The following FERMT2 variants were observed in gnomAD, a reference collection of about 807,000 sequenced individuals.
FERMT2 encodes fermitin family homolog 2.
In FERMT2, 15 loss-of-function variants were observed where a neutral mutation model predicts 82.7. The observed-to-expected ratio is 0.18, with a 90% CI of 0.12 to 0.28. FERMT2 has a LOEUF of 0.28. Among genes scored for constraint, FERMT2 ranks in the 10% least tolerant of loss-of-function variants. FERMT2 has a pLI of 1.00. For missense variants in FERMT2, 645 were observed against 809.4 expected (o/e 0.80, Z 2.46); for synonymous variants, 274 against 271.5 (o/e 1.01, Z -0.09).
At chr14:52,881,959 G>A in intron 4 of FERMT2, 1 of 338,484 alleles carries the variant, frequency 3.0e-6, no homozygotes, top group South Asian at 2.8e-5. Flanking sequence ...ATAAACTGAA[G>A]TACACATTTC....
At chr14:52,914,750 T>C (rs1003144199) in intron 3 of FERMT2, among the ~76,000 whole-genome samples, 1 of 151,406 alleles carries the variant, frequency 6.6e-6, no homozygotes, top group Non-Finnish European at 1.5e-5. Context: ...CAAAACCCCG[T>C]CTCTACTAAA....
intron 6 of FERMT2, among the ~76,000 whole-genome samples, chr14:52,879,938 G>T (rs1234281595): frequency 1.3e-5 from 2 of 152,190 alleles, no homozygotes; most frequent in Non-Finnish European, 2.9e-5. Flanking sequence ...AACAGTGTTT[G>T]TCTGTTACAG....
chr14:52,870,062 C>G (rs572418586), intron 10 of FERMT2, among the ~76,000 whole-genome samples: 1 of 152,004 alleles, frequency 6.6e-6, no homozygotes, highest in Admixed American at 6.5e-5. Context: ...AGAAAAGGGT[C>G]AAGATGTTAA....
chr14:52,857,586 T>C lies in FERMT2; in HGVS notation c.*791A>G, dbSNP rs1884648372. On this transcript the variant is annotated 3_prime_UTR_variant, in exon 15 of 15. Coordinates refer to ENST00000341590, the MANE Select transcript of FERMT2 (RefSeq NM_006832.3). ...TTTAATTAACGCAGAGATTGCTACA[T>C]TTAAGCCATCTGCTAGTTGTGAGTA... 1 of 152,684 alleles carries C rather than the reference T, an allele frequency of 6.5e-6. No homozygotes were observed. Among genetic ancestry groups the C allele is most frequent in the Admixed American group, 6.5e-5 (1 of 15,284 alleles). 9.5% of individuals were successfully genotyped at this position (152,684 alleles called of 1,614,324 possible).
chr14:52,940,569 T>A (rs1053407511), intron 2 of FERMT2, among the ~76,000 whole-genome samples: 10 of 152,198 alleles, frequency 6.6e-5, no homozygotes, highest in African/African-American at 2.4e-4. Context: ...CTTCAGATAC[T>A]GTTTATGTAT....
At chr14:52,944,847 A>C (rs1329154984) in intron 2 of FERMT2, among the ~76,000 whole-genome samples, 1 of 152,184 alleles carries the variant, frequency 6.6e-6, no homozygotes, top group African/African-American at 2.4e-5. Context: ...CACACTTTTA[A>C]AGCAAGGACT....
chr14:52,894,452 C>A (rs753454803), intron 3 of FERMT2, among the ~76,000 whole-genome samples: 1 of 152,008 alleles, frequency 6.6e-6, no homozygotes, highest in Admixed American at 6.6e-5. Context: ...GAGAACAATC[C>A]TAGAATAGTC....
chr14:52,918,720 CAT>C (rs1364210575), intron 3 of FERMT2, among the ~76,000 whole-genome samples: 3 of 152,160 alleles, frequency 2.0e-5, no homozygotes, highest in Non-Finnish European at 4.4e-5. Context: ...AGACAACACT[CAT>C]AGTCATTTCC....
At chr14:52,880,392 T>C (rs914363810) in intron 6 of FERMT2, among the ~76,000 whole-genome samples, 1 of 152,210 alleles carries the variant, frequency 6.6e-6, no homozygotes, top group Admixed American at 6.5e-5. Flanking sequence ...AAATGAACTT[T>C]GCCAATTCTT....
intron 3 of FERMT2, among the ~76,000 whole-genome samples, chr14:52,900,044 G>C (rs532774540): frequency 6.6e-6 from 1 of 152,252 alleles, no homozygotes. Flanking sequence ...TAGCATTTAT[G>C]AGGCACTACA....
chr14:52,897,976 C>CAAAAAA (rs71125145), intron 3 of FERMT2, among the ~76,000 whole-genome samples: 15 of 93,338 alleles, frequency 1.6e-4, no homozygotes, highest in South Asian at 4.1e-4. Flanking sequence ...AACTCCGTCT[C>CAAAAAA]AAAAAAAAAA....
chr14:52,946,220 T>C (rs953730752), intron 2 of FERMT2, among the ~76,000 whole-genome samples: 5 of 151,910 alleles, frequency 3.3e-5, no homozygotes, highest in African/African-American at 1.2e-4. Flanking sequence ...TCCCATAAAA[T>C]TGGGCCTCTT....
At chr14:52,883,781 G>A (rs1048537458) in intron 4 of FERMT2, among the ~76,000 whole-genome samples, 3 of 152,110 alleles carry the variant, frequency 2.0e-5, no homozygotes, top group Non-Finnish European at 4.4e-5. Flanking sequence ...CACCATCCCC[G>A]CTTGGTACTG....
intron 2 of FERMT2, among the ~76,000 whole-genome samples, chr14:52,927,597 A>T (rs1016856173): frequency 2.2e-5 from 3 of 137,342 alleles, no homozygotes; most frequent in Admixed American, 1.6e-4. Context: ...CCCTATAAAA[A>T]AAAAAAAAAA....
At chr14:52,880,318 T>C (rs751724511) in intron 6 of FERMT2, among the ~76,000 whole-genome samples, 9 of 152,212 alleles carry the variant, frequency 5.9e-5, no homozygotes, top group Non-Finnish European at 1.2e-4. Context: ...CTAAAAGTAA[T>C]TGAAAAGGTA....
chr14:52,917,306 C>G (rs1426070262), intron 3 of FERMT2, among the ~76,000 whole-genome samples: 2 of 151,078 alleles, frequency 1.3e-5, no homozygotes, highest in African/African-American at 2.4e-5. Flanking sequence ...ATGTGTGTGT[C>G]TGTGTATTTT....
At chr14:52,864,119 G>A (rs999744294) in intron 12 of FERMT2, among the ~76,000 whole-genome samples, 3 of 151,636 alleles carry the variant, frequency 2.0e-5, no homozygotes, top group South Asian at 2.1e-4. Context: ...AGATTTTTTT[G>A]GATTTTGGAA....
chr14:52,939,272 C>A (rs1889986885), intron 2 of FERMT2, among the ~76,000 whole-genome samples: 1 of 148,426 alleles, frequency 6.7e-6, no homozygotes, highest in Admixed American at 6.8e-5. Flanking sequence ...ACTCAGGAGG[C>A]TGGGGCACTA....
At chr14:52,876,439 G>C (rs1413617123) in intron 7 of FERMT2, among the ~76,000 whole-genome samples, 1 of 152,170 alleles carries the variant, frequency 6.6e-6, no homozygotes. Flanking sequence ...CAGAGATCCT[G>C]ATTCAGGAAG....
Sources: allele counts gnomAD v4.1 joint callset (sites outside exome capture counted in the v4.1 genomes callset), GRCh38; gene constraint gnomAD v4.1.1; transcripts MANE v1.5; gene names NCBI Gene and HGNC (gene_info 2026-07-23, HGNC 2026-07-21).